The following CNBD1 variants were observed in gnomAD, a reference collection of about 807,000 sequenced individuals.
The protein encoded by CNBD1 is cyclic nucleotide-binding domain-containing protein 1.
Under a neutral mutation model 54.4 loss-of-function variants are expected in CNBD1, and 71 were observed. The observed-to-expected ratio is 1.30, with a 90% CI of 1.08 to 1.59. The LOEUF (loss-of-function observed/expected upper bound fraction) is 1.59. CNBD1 is among the 40% of genes most tolerant of loss of function. The pLI, the probability that CNBD1 is intolerant of heterozygous loss-of-function variation, is 0.00. For missense variants in CNBD1, 659 were observed against 518.0 expected, an observed-to-expected ratio of 1.27 and a Z score of -2.64; for synonymous variants, 182 against 170.7, an observed-to-expected ratio of 1.07 and a Z score of -0.51.
rs181420250 is a variant in CNBD1 at position 86,893,353 on chromosome 8, T to G, written c.158+5742T>G. Among the ~76,000 whole-genome samples, 63 of 152,330 alleles carry G rather than the reference T, an allele frequency of 4.1e-4. No individual in the cohort carries two copies. In the East Asian group the frequency reaches 0.012, roughly 28 times the overall value. On this transcript the variant is annotated intron_variant, in intron 2 of 10. Coordinates refer to ENST00000518476, the MANE Select transcript of CNBD1 (RefSeq NM_173538.3). ...ACACATTTATAGTTATTACCACGAC[T>G]AGAAGGAAGTGGGGGATTTTAAACC...
intron 6 of CNBD1, among the ~76,000 whole-genome samples, chr8:87,260,719 A>G (rs886265335): frequency 3.9e-5 from 6 of 151,938 alleles, no homozygotes; most frequent in Admixed American, 3.9e-4. Context: ...GCCAACCCAC[A>G]ACACAGAAGA....
chr8:87,321,206 G>A (rs965561627), intron 8 of CNBD1, among the ~76,000 whole-genome samples: 2 of 148,930 alleles, frequency 1.3e-5, no homozygotes, highest in African/African-American at 5.0e-5. Context: ...AAGTAAGAAT[G>A]CTGAATCACA....
At chr8:87,388,069 C>T (rs993794684) in intron 2 of CNBD1, among the ~76,000 whole-genome samples, 34 of 152,074 alleles carry the variant, frequency 2.2e-4, no homozygotes, top group Non-Finnish European at 3.7e-4. Flanking sequence ...AGAACAAGGA[C>T]ACAACACACC....
intron 8 of CNBD1, among the ~76,000 whole-genome samples, chr8:87,331,484 C>T (rs973440204): frequency 6.6e-6 from 1 of 152,120 alleles, no homozygotes; most frequent in Non-Finnish European, 1.5e-5. Flanking sequence ...TGGGTTGGTT[C>T]CATGTGTTTG....
chr8:87,334,712 CTTTTT>C, intron 8 of CNBD1, among the ~76,000 whole-genome samples: 1 of 139,620 alleles, frequency 7.2e-6, no homozygotes, highest in South Asian at 2.2e-4. Context: ...CTTTTCTTTT[CTTTTT>C]TCTTTTCTTT....
At chr8:86,960,437 G>A (rs1232860587) in intron 4 of CNBD1, among the ~76,000 whole-genome samples, 1 of 152,158 alleles carries the variant, frequency 6.6e-6, no homozygotes, top group Non-Finnish European at 1.5e-5. Flanking sequence ...GGCTGGGGGA[G>A]GGGCGTCCAC....
intron 8 of CNBD1, among the ~76,000 whole-genome samples, chr8:87,290,254 G>A (rs1476011672): frequency 6.6e-6 from 1 of 151,570 alleles, no homozygotes; most frequent in East Asian, 1.9e-4. Flanking sequence ...AAAGAAAAAA[G>A]AGATCAAATA....
intron 4 of CNBD1, among the ~76,000 whole-genome samples, chr8:87,178,185 G>GT (rs1813238885): frequency 6.6e-6 from 1 of 152,210 alleles, no homozygotes; most frequent in African/African-American, 2.4e-5. Flanking sequence ...GTTTATTCCA[G>GT]TGGGAGGTAA....
chr8:86,980,126 T>A (rs1808448592), intron 4 of CNBD1, among the ~76,000 whole-genome samples: 1 of 152,228 alleles, frequency 6.6e-6, no homozygotes, highest in Non-Finnish European at 1.5e-5. Context: ...TTAGGATTCA[T>A]AACATTTGGA....
At chr8:87,131,021 CG>C (rs1267979074) in intron 4 of CNBD1, among the ~76,000 whole-genome samples, 1 of 151,958 alleles carries the variant, frequency 6.6e-6, no homozygotes, top group Non-Finnish European at 1.5e-5. Context: ...CCTTCTTACC[CG>C]GTTTACATAA....
chr8:87,003,371 G>A (rs2130548253), intron 4 of CNBD1, among the ~76,000 whole-genome samples: 1 of 152,210 alleles, frequency 6.6e-6, no homozygotes, highest in Non-Finnish European at 1.5e-5. Context: ...GTGATTACTT[G>A]TTATTTCATC....
intron 4 of CNBD1, among the ~76,000 whole-genome samples, chr8:87,160,140 T>C (rs1162871731): frequency 6.6e-6 from 1 of 152,054 alleles, no homozygotes; most frequent in Non-Finnish European, 1.5e-5. Context: ...TTTGAAGTGC[T>C]TTTCACTGTA....
intron 4 of CNBD1, among the ~76,000 whole-genome samples, chr8:86,958,812 C>G (rs539400574): frequency 1.3e-5 from 2 of 152,130 alleles, no homozygotes; most frequent in Non-Finnish European, 2.9e-5. Flanking sequence ...TTATTTGGAG[C>G]ATTTAGCCCA....
intron 3 of CNBD1, among the ~76,000 whole-genome samples, chr8:86,912,229 T>C (rs1809111056): frequency 6.6e-6 from 1 of 152,194 alleles, no homozygotes; most frequent in Non-Finnish European, 1.5e-5. Context: ...TAACAATGTA[T>C]AGTATTTGTA....
downstream of CNBD1, among the ~76,000 whole-genome samples, chr8:87,383,221 A>G (rs993175258): frequency 3.3e-5 from 5 of 152,066 alleles, no homozygotes; most frequent in Admixed American, 2.0e-4. Flanking sequence ...AGTTAATTTA[A>G]AAAATAACAA....
At chr8:87,129,189 G>A (rs767250462) in intron 4 of CNBD1, among the ~76,000 whole-genome samples, 46 of 150,692 alleles carry the variant, frequency 3.1e-4, no homozygotes, top group African/African-American at 1.1e-3. Context: ...CACAGAGTGT[G>A]TTGAAAATAT....
chr8:87,169,459 G>A (rs1000333064), intron 4 of CNBD1, among the ~76,000 whole-genome samples: 10 of 151,978 alleles, frequency 6.6e-5, no homozygotes, highest in Non-Finnish European at 1.3e-4. Context: ...TCCTCGTGGG[G>A]TATTACTCAA....
At chr8:87,024,427 C>A (rs555928800) in intron 4 of CNBD1, among the ~76,000 whole-genome samples, 2 of 151,626 alleles carry the variant, frequency 1.3e-5, no homozygotes, top group Non-Finnish European at 2.9e-5. Context: ...GCAACCTTTG[C>A]CTCCCAGGTT....
At chr8:87,355,753 T>C (rs760812452) in intron 10 of CNBD1, among the ~76,000 whole-genome samples, 1 of 152,194 alleles carries the variant, frequency 6.6e-6, no homozygotes, top group Admixed American at 6.5e-5. Flanking sequence ...GACTGAATAC[T>C]GTTATCCTGA....
Sources: gnomAD v4.1 joint callset for allele counts (sites outside exome capture counted in the v4.1 genomes callset) on GRCh38, gnomAD v4.1.1 for gene constraint, MANE v1.5 for transcripts, NCBI Gene and HGNC (gene_info 2026-07-23, HGNC 2026-07-21) for gene names.